FAT1: variants seen among roughly 807,000 people sequenced by gnomAD.
FAT1 encodes protocadherin Fat 1.
In FAT1, 171 loss-of-function variants were observed where a neutral mutation model predicts 329.8. The ratio of observed to expected loss-of-function variants is 0.52; its 90% CI spans 0.46 to 0.59. The LOEUF is 0.59. Among genes scored for constraint, FAT1 ranks in the 20% least tolerant of loss-of-function variants. The probability of loss-of-function intolerance (pLI) is 0.00; values close to 1 mark genes in which losing one functional copy is unlikely to be tolerated. For missense variants in FAT1, 5,672 were observed against 5,774.4 expected (o/e 0.98, Z 0.57); for synonymous variants, 2,233 against 2,228.6 (o/e 1.00, Z -0.06).
At chr4:186,649,527 T>C (rs944672543) in intron 3 of FAT1, among the ~76,000 whole-genome samples, 2 of 152,158 alleles carry the variant, frequency 1.3e-5, no homozygotes, top group African/African-American at 4.8e-5. Context: ...AAGAGTCTTT[T>C]TAAGAGAAAG....
At chr4:186,725,852 T>A (rs536375416), upstream of FAT1, among the ~76,000 whole-genome samples, 1 of 152,258 alleles carries the variant, frequency 6.6e-6, no homozygotes, top group South Asian at 2.1e-4. The surrounding 1 kb of genome is among the most constrained non-coding windows in gnomAD (Gnocchi z 5.4). Flanking sequence ...CTACATCCAG[T>A]CCACCCAAGC....
At chr4:186,655,348 T>C (rs1741851846) in intron 3 of FAT1, among the ~76,000 whole-genome samples, 1 of 152,032 alleles carries the variant, frequency 6.6e-6, no homozygotes, top group Non-Finnish European at 1.5e-5. Flanking sequence ...ATAAAATCAG[T>C]AGACCAGTGA....
In FAT1 at chr4:186,596,443, C is replaced by T; in HGVS notation, c.13000+97G>A. On this transcript the variant is annotated intron_variant, in intron 25 of 26. Coordinates refer to ENST00000441802, the MANE Select transcript of FAT1 (RefSeq NM_005245.4). This position sits in a 1 kb window ranked among gnomAD's most constrained non-coding sequence, Gnocchi z 4.7. ...CGGATTTCAGTCTGAGCATACTTGT[C>T]TCTAATGAAGAGTACACACATTTTG... 7.5e-7 allele frequency: 1 copy of T among 1,337,418 alleles called. No individual in the cohort carries two copies. 82.8% of individuals were successfully genotyped at this position (1,337,418 alleles called of 1,614,324 possible).
chr4:186,677,650 T>C (rs1376329547), intron 2 of FAT1, among the ~76,000 whole-genome samples: 1 of 152,198 alleles, frequency 6.6e-6, no homozygotes, highest in African/African-American at 2.4e-5. Context: ...ATACCCAGTA[T>C]ATGCTCAGAA....
chr4:186,722,456 C>T (rs912124633), intron 1 of FAT1, among the ~76,000 whole-genome samples: 8 of 152,202 alleles, frequency 5.3e-5, no homozygotes, highest in African/African-American at 9.6e-5. Flanking sequence ...TAAAAAATTA[C>T]ATAGTGCTTT....
chr4:186,642,601 T>C (rs1579374845), intron 3 of FAT1, among the ~76,000 whole-genome samples: 1 of 152,212 alleles, frequency 6.6e-6, no homozygotes, highest in Non-Finnish European at 1.5e-5. Context: ...TACATATTTA[T>C]AGGCAGCGTG....
chr4:186,724,897 G>A (rs1341138065), upstream of FAT1, among the ~76,000 whole-genome samples: 2 of 152,214 alleles, frequency 1.3e-5, no homozygotes. The surrounding 1 kb of genome is among the most constrained non-coding windows in gnomAD (Gnocchi z 5.3). Flanking sequence ...GGCGGGGAGG[G>A]GAACGGCAGG....
chr4:186,646,792 T>TG (rs766956182), intron 3 of FAT1, among the ~76,000 whole-genome samples: 36 of 151,968 alleles, frequency 2.4e-4, no homozygotes, highest in Non-Finnish European at 4.6e-4. Context: ...GCCATGCTCC[T>TG]GCTCCCCGTT....
intron 26 of FAT1, among the ~76,000 whole-genome samples, chr4:186,593,246 C>A (rs1340144312): frequency 1.3e-5 from 2 of 152,222 alleles, no homozygotes; most frequent in African/African-American, 4.8e-5. Context: ...GCTTTCCCTG[C>A]AAATTTCTCG....
intron 3 of FAT1, among the ~76,000 whole-genome samples, chr4:186,658,959 G>C (rs1742039774): frequency 1.3e-5 from 2 of 152,196 alleles, no homozygotes; most frequent in Admixed American, 6.5e-5. Flanking sequence ...AAATTTCATA[G>C]TTCGGTAAAT....
intron 2 of FAT1, among the ~76,000 whole-genome samples, chr4:186,670,695 G>A (rs1041824803): frequency 6.6e-6 from 1 of 152,150 alleles, no homozygotes; most frequent in Non-Finnish European, 1.5e-5. Flanking sequence ...CTATTAGAAT[G>A]CAAACTTTTT....
At chr4:186,641,383 TAAGTTA>T (rs1455933798) in intron 3 of FAT1, among the ~76,000 whole-genome samples, 1 of 152,208 alleles carries the variant, frequency 6.6e-6, no homozygotes, top group African/African-American at 2.4e-5. Flanking sequence ...AAAAACCTTT[TAAGTTA>T]ATCTCTTTTT....
At chr4:186,658,655 T>G (rs1186797556) in intron 3 of FAT1, among the ~76,000 whole-genome samples, 2 of 152,184 alleles carry the variant, frequency 1.3e-5, no homozygotes, top group Admixed American at 1.3e-4. Context: ...TCCCATACAC[T>G]TATTTCTTGG....
intron 2 of FAT1, among the ~76,000 whole-genome samples, chr4:186,670,540 C>T (rs573087576): frequency 2.0e-5 from 3 of 152,300 alleles, no homozygotes; most frequent in African/African-American, 7.2e-5. Flanking sequence ...ATCTCTGTTG[C>T]TGCAATTAAT....
At chr4:186,677,089 C>A (rs997342813) in intron 2 of FAT1, among the ~76,000 whole-genome samples, 3 of 152,146 alleles carry the variant, frequency 2.0e-5, no homozygotes, top group African/African-American at 7.2e-5. Flanking sequence ...TTAGAAACTT[C>A]TTTTTCTATT....
At chr4:186,695,271 C>T (rs1743969008) in intron 2 of FAT1, among the ~76,000 whole-genome samples, 1 of 152,200 alleles carries the variant, frequency 6.6e-6, no homozygotes, top group Non-Finnish European at 1.5e-5. Flanking sequence ...TAGCACTACT[C>T]TACAGCCCAA....
chr4:186,693,685 A>T lies in FAT1; in HGVS notation c.3265+12878T>A, dbSNP rs1462544729. On this transcript the variant is annotated intron_variant, in intron 2 of 26. Transcript: ENST00000441802. ...TCGCCCACCCACAGAACGGTGACCC[A>T]AATGAGTGGAGGCTGTTCTAAGCTA... Among the ~76,000 whole-genome samples the T allele has an allele frequency of 2.9e-5, 3 of 104,282 alleles. 1 individual carries two copies. Among genetic ancestry groups the T allele is most frequent in the African/African-American group, 1.3e-4 (3 of 23,266 alleles). 68.4% of individuals were successfully genotyped at this position (104,282 alleles called of 152,430 possible). A position where few individuals can be genotyped will look rare whatever the true frequency, so the allele number is the denominator to read the frequency against.
In FAT1 at chr4:186,589,165, T is replaced by C. The variant is rs34174591; in HGVS notation, c.13194A>G (p.Gln4398=). The C allele has an allele frequency of 0.014, 22,815 of 1,613,846 alleles. 389 individuals carry two copies. Among genetic ancestry groups the C allele is most frequent in the African/African-American group, 0.085 (6,400 of 75,008 alleles). ...WMPSVPLPDI[Q]EFPNYEVIDE... ...CAATCACCTCATAGTTGGGGAACTC[T>C]TGTATGTCCGGCAGAGGAACGCTTG... The change falls in exon 27 of 27, where the codon CAA becomes CAG. Residue 4398 remains glutamine, a synonymous_variant. Transcript: ENST00000441802.
In FAT1 at chr4:186,709,641, T is replaced by C. The variant is rs1579492747; in HGVS notation, c.187A>G (p.Ile63Val). 1 of 1,614,018 alleles carries C rather than the reference T, an allele frequency of 6.2e-7. No individual in the cohort carries two copies. The highest frequency in any genetic ancestry group is 8.5e-7 in the Non-Finnish European group (1 of 1,179,900). Reference protein sequence around the residue: ...VGHPVKMGVYITHPAWEVRYK... With the variant: ...VGHPVKMGVYVTHPAWEVRYK... ...CTTACTTCCCACGCTGGATGTGTAA[T>C]GTAAACACCCATCTTGACAGGATGC... Residue 63 changes from isoleucine (I) to valine (V), a missense_variant, in exon 2 of 27, where the codon ATT becomes GTT. By Grantham distance (29) the Ile-to-Val change is conservative. Transcript: ENST00000441802.
Sources: allele counts gnomAD v4.1 joint callset (sites outside exome capture counted in the v4.1 genomes callset), GRCh38; gene constraint gnomAD v4.1.1; non-coding constraint Gnocchi (gnomAD v3.1); transcripts MANE v1.5; gene names NCBI Gene and HGNC (gene_info 2026-07-23, HGNC 2026-07-21).